The following DGKB variants were observed in gnomAD, a reference collection of about 807,000 sequenced individuals.
The protein encoded by DGKB is 90 kDa diacylglycerol kinase.
In DGKB, 67 loss-of-function variants were observed where a neutral mutation model predicts 114.3. The ratio of observed to expected loss-of-function variants is 0.59; its 90% confidence interval spans 0.48 to 0.72. DGKB has a LOEUF of 0.72. Among genes scored for constraint, DGKB ranks in the 30% least tolerant of loss-of-function variants. The pLI is 0.00. For missense variants in DGKB, 907 were observed against 975.2 expected, an observed-to-expected ratio of 0.93 and a Z score of 0.93; for synonymous variants, 398 against 323.1, an observed-to-expected ratio of 1.23 and a Z score of -2.49.
chr7:14,568,258 CTATT>C (rs1797891845), intron 20 of DGKB, among the ~76,000 whole-genome samples: 1 of 152,106 alleles, frequency 6.6e-6, no homozygotes, highest in Non-Finnish European at 1.5e-5. Flanking sequence ...GGAAGAATAT[CTATT>C]TTTAGAGTTA....
At chr7:14,902,917 G>A (rs1366945395), upstream of DGKB, 1 of 152,132 alleles carries the variant, frequency 6.6e-6, no homozygotes, top group African/African-American at 2.4e-5. Flanking sequence ...CTAAAAAACA[G>A]CGGAGGCTGA....
At chr7:14,352,910 C>T (rs575556575) in intron 21 of DGKB, among the ~76,000 whole-genome samples, 1 of 151,354 alleles carries the variant, frequency 6.6e-6, no homozygotes, top group East Asian at 1.9e-4. Flanking sequence ...GCAACAAGAG[C>T]GAAACTCTGT....
chr7:14,574,412 C>G, intron 19 of DGKB, 40 bp from the exon 20 acceptor site: 1 of 1,550,364 alleles, frequency 6.5e-7, no homozygotes, highest in Non-Finnish European at 8.8e-7. Context: ...AGAACTCTAA[C>G]CAAATAAAAA....
chr7:14,473,581 C>A (rs1346151357), intron 21 of DGKB, among the ~76,000 whole-genome samples: 1 of 152,040 alleles, frequency 6.6e-6, no homozygotes, highest in East Asian at 1.9e-4. Flanking sequence ...TCCTCCAGAC[C>A]CCAGAATGAT....
At chr7:14,846,542 C>T (rs924741451) in intron 1 of DGKB, among the ~76,000 whole-genome samples, 198 of 152,322 alleles carry the variant, frequency 1.3e-3, no homozygotes, top group Non-Finnish European at 8.1e-4. Flanking sequence ...TAGTCCCCGC[C>T]TCTTCATAAA....
At chr7:14,694,272 G>A in intron 8 of DGKB, 78 bp from the exon 9 acceptor site, 2 of 1,275,780 alleles carry the variant, frequency 1.6e-6, no homozygotes, top group Non-Finnish European at 2.2e-6. Flanking sequence ...ATGAAATTGT[G>A]ACTAACAGCT....
At chr7:14,222,400 G>A (rs1185535644) in intron 23 of DGKB, among the ~76,000 whole-genome samples, 1 of 150,508 alleles carries the variant, frequency 6.6e-6, no homozygotes, top group African/African-American at 2.4e-5. Context: ...TTGATTCATT[G>A]GTTATTTTAG....
chr7:14,813,499 A>G (rs898418893), intron 2 of DGKB, among the ~76,000 whole-genome samples: 8 of 152,126 alleles, frequency 5.3e-5, no homozygotes, highest in African/African-American at 1.9e-4. Context: ...CAGCCACCAG[A>G]TATTTTCTCC....
chr7:14,695,843 G>A (rs1209568539), intron 8 of DGKB, among the ~76,000 whole-genome samples: 2 of 151,784 alleles, frequency 1.3e-5, no homozygotes, highest in African/African-American at 2.4e-5. Context: ...CCTATGAGAA[G>A]CCTGCTGATG....
At chr7:14,660,422 G>T (rs1033953207) in intron 13 of DGKB, among the ~76,000 whole-genome samples, 2 of 151,546 alleles carry the variant, frequency 1.3e-5, no homozygotes, top group Non-Finnish European at 3.0e-5. Context: ...CCTGTTATTG[G>T]TCTATTCTTC....
intron 9 of DGKB, among the ~76,000 whole-genome samples, chr7:14,687,735 G>A (rs942701611): frequency 1.3e-5 from 2 of 152,080 alleles, no homozygotes; most frequent in African/African-American, 4.8e-5. Flanking sequence ...ATATATTACT[G>A]TTCTTGTAAT....
At chr7:14,546,175 T>C (rs542440305) in intron 20 of DGKB, among the ~76,000 whole-genome samples, 1 of 152,294 alleles carries the variant, frequency 6.6e-6, no homozygotes, top group Non-Finnish European at 1.5e-5. Context: ...CCAAGGAAAA[T>C]TCCTTGCATA....
chr7:14,737,639 A>G lies in DGKB; in HGVS notation c.169-1445T>C, dbSNP rs904186861. 9.9e-5 allele frequency among the ~76,000 whole-genome samples: 15 copies of G among 152,260 alleles called. No homozygotes were observed. In the East Asian group the frequency reaches 1.7e-3, roughly 18 times the overall value. On this transcript the variant is annotated intron_variant, in intron 4 of 25. Transcript: ENST00000402815. The stretch of plus-strand genomic sequence containing the variant: ...GGCAATAAAACCAAACACTTTATTT[A>G]TCAATAGTCCCAAGATTCTGCCTAT...
intron 1 of DGKB, among the ~76,000 whole-genome samples, chr7:14,931,216 A>G (rs1417655807): frequency 6.6e-6 from 1 of 150,838 alleles, no homozygotes; most frequent in Non-Finnish European, 1.5e-5. Context: ...AGTTCAAGCG[A>G]TTCTCCTGCC....
At chr7:14,410,242 G>GTA (rs764465222) in intron 21 of DGKB, among the ~76,000 whole-genome samples, 4 of 150,566 alleles carry the variant, frequency 2.7e-5, no homozygotes, top group Non-Finnish European at 5.9e-5. Context: ...ATGCACACAT[G>GTA]TATATATATA....
intron 1 of DGKB, among the ~76,000 whole-genome samples, chr7:14,955,208 T>A (rs977332141): frequency 1.3e-5 from 2 of 152,078 alleles, no homozygotes; most frequent in Admixed American, 1.3e-4. Context: ...ACAAATCTAA[T>A]GAAAAATTTA....
At chr7:14,943,636 A>G (rs987379379) in intron 1 of DGKB, among the ~76,000 whole-genome samples, 6 of 151,432 alleles carry the variant, frequency 4.0e-5, no homozygotes, top group Non-Finnish European at 8.9e-5. Flanking sequence ...TTTTGAAGTG[A>G]AACACACACA....
chr7:14,426,784 G>A lies in DGKB; in HGVS notation c.1835+51377C>T, dbSNP rs562261162. On this transcript the variant is annotated intron_variant, in intron 21 of 25. Coordinates refer to ENST00000402815, the MANE Select transcript of DGKB (RefSeq NM_001350709.2). ...GAAATTCCACTATGGGCCAAGCGTG[G>A]CAGCTCATGCCTGTAATCCAAGCAC... is the stretch of plus-strand genomic sequence containing the variant. 3.7e-4 allele frequency among the ~76,000 whole-genome samples: 57 copies of A among 152,206 alleles called. 1 individual carries two copies. In the South Asian group the frequency reaches 0.011, roughly 30 times the overall value.
chr7:14,873,995 C>T (rs1852876340), intron 1 of DGKB, among the ~76,000 whole-genome samples: 1 of 151,898 alleles, frequency 6.6e-6, no homozygotes, highest in Non-Finnish European at 1.5e-5. Flanking sequence ...AAATAATATG[C>T]AGTACTAATT....
Sources: allele counts gnomAD v4.1 joint callset (sites outside exome capture counted in the v4.1 genomes callset), GRCh38; gene constraint gnomAD v4.1.1; transcripts MANE v1.5; gene names NCBI Gene and HGNC (gene_info 2026-07-23, HGNC 2026-07-21).